Variants in DLG2 observed in about 807,000 individuals in gnomAD.
DLG2 encodes disks large homolog 2.
DLG2 carries 45 observed loss-of-function variants against 132.5 expected under a neutral mutation model. That is an observed-to-expected ratio of 0.34 (90% confidence interval 0.27 to 0.44). The LOEUF is 0.44. Among genes scored for constraint, DLG2 ranks in the 20% least tolerant of loss-of-function variants. The probability of loss-of-function intolerance (pLI) is 1.00; values close to 1 mark genes in which losing one functional copy is unlikely to be tolerated. For missense variants in DLG2, 1,045 were observed against 1,196.9 expected, an observed-to-expected ratio of 0.87 and a Z score of 1.87; for synonymous variants, 424 against 419.6, an observed-to-expected ratio of 1.01 and a Z score of -0.13.
intron 4 of DLG2, among the ~76,000 whole-genome samples, chr11:85,249,769 G>GGGC (rs2076309003): frequency 6.6e-6 from 1 of 152,118 alleles, no homozygotes; most frequent in Non-Finnish European, 1.5e-5. Flanking sequence ...TGGAGATAGT[G>GGGC]GGCCAGGAAT....
intron 7 of DLG2, among the ~76,000 whole-genome samples, chr11:84,465,819 A>G (rs2099092802): frequency 6.6e-6 from 1 of 151,266 alleles, no homozygotes; most frequent in Non-Finnish European, 1.5e-5. Flanking sequence ...CTAAATGTAT[A>G]CTTAAATCCT....
intron 6 of DLG2, among the ~76,000 whole-genome samples, chr11:84,733,793 C>T (rs1252933577): frequency 6.6e-6 from 1 of 152,168 alleles, no homozygotes; most frequent in Non-Finnish European, 1.5e-5. Flanking sequence ...AGTCTTTAAT[C>T]CATCTTGAAC....
At chr11:83,905,890 C>T (rs2074591585) in intron 15 of DLG2, among the ~76,000 whole-genome samples, 1 of 151,908 alleles carries the variant, frequency 6.6e-6, no homozygotes, top group Non-Finnish European at 1.5e-5. Context: ...GCAAATTTCC[C>T]CTTTAAAGAA....
intron 19 of DLG2, among the ~76,000 whole-genome samples, chr11:83,559,073 T>C (rs1440642443): frequency 6.6e-6 from 1 of 152,026 alleles, no homozygotes. Flanking sequence ...CAAGGCTTCA[T>C]GGAATAGGTA....
rs2089352307 is a variant in DLG2 at position 83,458,547 on chromosome 11, A to C, written c.*1271T>G. The C allele has an allele frequency of 6.6e-6, 1 of 152,568 alleles. No homozygotes were observed. The highest frequency in any genetic ancestry group is 1.5e-5 in the Non-Finnish European group (1 of 68,092). 9.5% of individuals were successfully genotyped at this position (152,568 alleles called of 1,614,324 possible). ...TAGTGCATCTAGGAACAGATCTCTC[A>C]TTGGCTCTAGTACCATCTCTGGATG... On this transcript the variant is annotated 3_prime_UTR_variant, in exon 28 of 28. Coordinates refer to ENST00000376104, the MANE Select transcript of DLG2 (RefSeq NM_001142699.3).
chr11:83,644,752 T>C (rs2067622704), intron 18 of DLG2, among the ~76,000 whole-genome samples: 1 of 152,030 alleles, frequency 6.6e-6, no homozygotes, highest in Non-Finnish European at 1.5e-5. Flanking sequence ...ATTTCAGTAA[T>C]TTTTTTCTAA....
At chr11:85,587,383 T>C (rs1005892410) in intron 3 of DLG2, among the ~76,000 whole-genome samples, 2 of 152,162 alleles carry the variant, frequency 1.3e-5, no homozygotes, top group Non-Finnish European at 2.9e-5. Context: ...GGAGCTCCAG[T>C]GTTGGGTGCA....
chr11:84,219,167 T>C (rs2096880203), intron 8 of DLG2, among the ~76,000 whole-genome samples: 1 of 152,238 alleles, frequency 6.6e-6, no homozygotes, highest in South Asian at 2.1e-4. Context: ...GGCACAATCC[T>C]ACTAAGATAT....
chr11:84,496,129 T>C (rs1159207170), intron 7 of DLG2, among the ~76,000 whole-genome samples: 1 of 152,154 alleles, frequency 6.6e-6, no homozygotes, highest in African/African-American at 2.4e-5. Flanking sequence ...AGGCAATAAG[T>C]TCACTAAAAG....
intron 11 of DLG2, among the ~76,000 whole-genome samples, chr11:84,013,416 C>A (rs1310033360): frequency 6.6e-6 from 1 of 152,110 alleles, no homozygotes; most frequent in Non-Finnish European, 1.5e-5. Context: ...AAATAAATAA[C>A]TGCAGCATCA....
At chr11:85,506,560 G>A (rs1199146533) in intron 3 of DLG2, among the ~76,000 whole-genome samples, 1 of 152,198 alleles carries the variant, frequency 6.6e-6, no homozygotes, top group Non-Finnish European at 1.5e-5. Context: ...GTTCTAATGT[G>A]ATTGCACTGT....
intron 21 of DLG2, among the ~76,000 whole-genome samples, chr11:83,530,457 G>C (rs1484660409): frequency 6.6e-6 from 1 of 151,424 alleles, no homozygotes; most frequent in Non-Finnish European, 1.5e-5. Context: ...ACCATAACTT[G>C]TGATTCTGTA....
intron 21 of DLG2, among the ~76,000 whole-genome samples, chr11:83,500,476 A>C (rs994598405): frequency 6.6e-6 from 1 of 152,270 alleles, no homozygotes; most frequent in Admixed American, 6.5e-5. Flanking sequence ...GCACTGTATT[A>C]TCCACCACGG....
intron 3 of DLG2, among the ~76,000 whole-genome samples, chr11:85,572,432 A>G (rs984716285): frequency 2.0e-5 from 3 of 152,170 alleles, no homozygotes; most frequent in African/African-American, 7.2e-5. Flanking sequence ...AAAAAGAATC[A>G]CAAAATTTGC....
chr11:83,512,979 C>A (rs2095115246), intron 21 of DLG2, among the ~76,000 whole-genome samples: 1 of 152,170 alleles, frequency 6.6e-6, no homozygotes, highest in Admixed American at 6.5e-5. Context: ...GTGAATAGTG[C>A]CGCAATAAAC....
rs899853880 is a variant in DLG2, at chr11:84,501,721, GA to G, written c.519+32848del. Among the ~76,000 whole-genome samples the G allele has an allele frequency of 9.1e-3, 1,379 of 151,594 alleles. 19 individuals carry two copies. Among genetic ancestry groups the G allele is most frequent in the African/African-American group, 0.03 (1,250 of 41,354 alleles). ...TATAAAGTAGATTATTCTCTATAAT[GA>G]AAAAAAATGGATTAATGTTCTCTAA... On this transcript the variant is annotated intron_variant, in intron 7 of 27. Coordinates refer to ENST00000376104, the MANE Select transcript of DLG2 (RefSeq NM_001142699.3).
chr11:85,110,837 G>C (rs911514257), intron 6 of DLG2, among the ~76,000 whole-genome samples: 17 of 151,964 alleles, frequency 1.1e-4, no homozygotes, highest in African/African-American at 4.1e-4. Flanking sequence ...TGCCTACAAG[G>C]GGAGTCAAAT....
intron 8 of DLG2, among the ~76,000 whole-genome samples, chr11:84,209,309 C>T (rs1052968305): frequency 6.6e-6 from 1 of 152,002 alleles, no homozygotes; most frequent in Non-Finnish European, 1.5e-5. Context: ...ATCAAGGTCG[C>T]AAGAAATAAG....
chr11:85,117,671 TGAAAA>T (rs973977565), intron 5 of DLG2, among the ~76,000 whole-genome samples: 5 of 131,138 alleles, frequency 3.8e-5, no homozygotes, highest in Non-Finnish European at 5.0e-5. Context: ...AAAAAAAAAA[TGAAAA>T]GAGAAGTCTA....
Sources: allele counts gnomAD v4.1 joint callset (sites outside exome capture counted in the v4.1 genomes callset), GRCh38; gene constraint gnomAD v4.1.1; transcripts MANE v1.5; gene names NCBI Gene and HGNC (gene_info 2026-07-23, HGNC 2026-07-21).